Variants in SLCO6A1 observed in about 807,000 individuals in gnomAD.
The protein encoded by SLCO6A1 is cancer/testis antigen 48.
Under a neutral mutation model 72.7 loss-of-function variants are expected in SLCO6A1, and 65 were observed. The ratio of observed to expected loss-of-function variants is 0.89; its 90% CI spans 0.73 to 1.10. The LOEUF is 1.10. Among genes scored for constraint, SLCO6A1 ranks in the 50% least tolerant of loss-of-function variants. SLCO6A1 has a pLI of 0.00. For missense variants in SLCO6A1, 874 were observed against 872.6 expected (o/e 1.00, Z -0.02); for synonymous variants, 314 against 298.2 (o/e 1.05, Z -0.55).
In SLCO6A1 at chr5:102,457,493, A is replaced by G. The variant is rs564840454; in HGVS notation, c.1131+889T>C. 2.6e-5 allele frequency among the ~76,000 whole-genome samples: 4 copies of G among 152,346 alleles called. No homozygotes were observed. In the South Asian group the frequency reaches 6.2e-4, roughly 24 times the overall value. On this transcript the variant is annotated intron_variant, in intron 6 of 13. Transcript: ENST00000506729. The stretch of plus-strand genomic sequence containing the variant: ...AGATATTTATGCTGCCAAAAGACAC[A>G]TGAAAAAATGCTCATCATCACTGGC...
chr5:102,424,584 C>T (rs968014056), intron 7 of SLCO6A1, among the ~76,000 whole-genome samples: 2 of 152,094 alleles, frequency 1.3e-5, no homozygotes, highest in Non-Finnish European at 2.9e-5. Context: ...GAAGTCGAAT[C>T]CCTGAGTAGG....
At chr5:102,492,452 C>T (rs1752725798) in intron 1 of SLCO6A1, among the ~76,000 whole-genome samples, 1 of 152,156 alleles carries the variant, frequency 6.6e-6, no homozygotes, top group African/African-American at 2.4e-5. Context: ...CTACAGTTCC[C>T]AGCGTGAGCA....
chr5:102,461,669 C>A lies in SLCO6A1; in HGVS notation c.900-1892G>T, dbSNP rs752932933. Among the ~76,000 whole-genome samples the A allele has an allele frequency of 2.6e-5, 4 of 151,962 alleles. No homozygotes were observed. In the South Asian group the frequency reaches 8.3e-4, roughly 32 times the overall value. ...ATGTGTTTTTTATTGATATTAAATA[C>A]CATCATGATACATAAATGTCATCAG... On this transcript the variant is annotated intron_variant, in intron 4 of 13. Transcript: ENST00000506729.
intron 9 of SLCO6A1, 106 bp from the exon 10 acceptor site, chr5:102,399,848 G>A: frequency 1.4e-6 from 1 of 710,768 alleles, no homozygotes; most frequent in Non-Finnish European, 2.1e-6. Context: ...AGACTCATTA[G>A]TTTTATTTCA....
intron 4 of SLCO6A1, among the ~76,000 whole-genome samples, chr5:102,463,155 A>G (rs1195801754): frequency 6.6e-6 from 1 of 152,226 alleles, no homozygotes; most frequent in Admixed American, 6.5e-5. Flanking sequence ...TGCCCAATAA[A>G]CATATGAAAA....
Position 102,498,479 on chromosome 5 carries a change from A to C in SLCO6A1, c.358+8T>G, listed in dbSNP as rs1753011114. ...CTCGCCACAACAAACCGCCTCCTTC[A>C]GGCTCACCTTGACATATGAGCAGGA... is the stretch of plus-strand genomic sequence containing the variant. On this transcript the variant is annotated splice_region_variant and intron_variant, in intron 1 of 13. Coordinates refer to ENST00000506729, the MANE Select transcript of SLCO6A1 (RefSeq NM_173488.5). 2 of 1,606,274 alleles carry C rather than the reference A, an allele frequency of 1.2e-6. No homozygotes were observed. The highest frequency in any genetic ancestry group is 4.5e-5 in the East Asian group (2 of 44,744).
chr5:102,446,045 G>C (rs1198429002), intron 6 of SLCO6A1, among the ~76,000 whole-genome samples: 1 of 151,770 alleles, frequency 6.6e-6, no homozygotes, highest in South Asian at 2.1e-4. Flanking sequence ...GCTCTTGAGG[G>C]TTTTTGTTGT....
At chr5:102,452,129 T>C (rs1185232834) in intron 6 of SLCO6A1, among the ~76,000 whole-genome samples, 1 of 152,186 alleles carries the variant, frequency 6.6e-6, no homozygotes, top group African/African-American at 2.4e-5. Context: ...ATAATATTCA[T>C]TGACACTTCC....
At chr5:102,457,986 C>A (rs1750821536) in intron 6 of SLCO6A1, among the ~76,000 whole-genome samples, 1 of 151,866 alleles carries the variant, frequency 6.6e-6, no homozygotes, top group African/African-American at 2.4e-5. Flanking sequence ...TCATTCTCAG[C>A]AAACTATTGC....
chr5:102,411,080 C>T (rs890223650), intron 9 of SLCO6A1, among the ~76,000 whole-genome samples: 1 of 151,964 alleles, frequency 6.6e-6, no homozygotes, highest in African/African-American at 2.4e-5. Flanking sequence ...GATTGGGTGC[C>T]GCTGTTAAGT....
chr5:102,385,486 C>T (rs1746362283), intron 12 of SLCO6A1, among the ~76,000 whole-genome samples: 1 of 152,096 alleles, frequency 6.6e-6, no homozygotes, highest in South Asian at 2.1e-4. Context: ...AGGCTTTCTT[C>T]ACTGTTTTGT....
intron 4 of SLCO6A1, among the ~76,000 whole-genome samples, chr5:102,465,260 G>T (rs905596446): frequency 1.3e-5 from 2 of 151,898 alleles, no homozygotes; most frequent in Non-Finnish European, 2.9e-5. Context: ...AATACCTAGG[G>T]CTTAATAATA....
At chr5:102,410,810 C>T (rs555624850) in intron 9 of SLCO6A1, among the ~76,000 whole-genome samples, 3 of 152,200 alleles carry the variant, frequency 2.0e-5, no homozygotes, top group East Asian at 3.9e-4. Flanking sequence ...TGTGTTATTG[C>T]CCCATGAACC....
intron 1 of SLCO6A1, among the ~76,000 whole-genome samples, chr5:102,484,372 G>A (rs1752347418): frequency 6.6e-6 from 1 of 152,122 alleles, no homozygotes; most frequent in Non-Finnish European, 1.5e-5. Flanking sequence ...ATTACTGGCT[G>A]GGTGCAGTGG....
At chr5:102,400,314 T>C (rs1747328741) in intron 9 of SLCO6A1, among the ~76,000 whole-genome samples, 1 of 152,028 alleles carries the variant, frequency 6.6e-6, no homozygotes, top group African/African-American at 2.4e-5. Context: ...AATAATAAAT[T>C]ATATAAAATG....
chr5:102,457,514 C>T (rs576796266), intron 6 of SLCO6A1, among the ~76,000 whole-genome samples: 6 of 152,310 alleles, frequency 3.9e-5, no homozygotes, highest in Non-Finnish European at 8.8e-5. Flanking sequence ...CTCATCATCA[C>T]TGGCCATCAG....
At chr5:102,455,492 T>C (rs1279955182) in intron 6 of SLCO6A1, among the ~76,000 whole-genome samples, 2 of 152,276 alleles carry the variant, frequency 1.3e-5, no homozygotes, top group East Asian at 1.9e-4. Flanking sequence ...ACAATGTCTA[T>C]ATTGTAGACC....
At position 102,480,434 on chromosome 5, in the gene SLCO6A1, C is replaced by A. The variant is rs775981863; in HGVS notation, c.359G>T (p.Gly120Val). ...IFYCILLICQ[G>V]VVFGLIDVSI... Reference sequence around the variant, plus strand: ...GACATCTATAAGACCAAACACCACACCTAAAATGTAAAAAGAAAAAGAGAA... The same window carrying A: ...GACATCTATAAGACCAAACACCACAACTAAAATGTAAAAAGAAAAAGAGAA... The change falls in exon 2 of 14, where the codon GGT becomes GTT. Residue 120 changes from glycine to valine, a missense_variant and splice_region_variant. Physicochemically the swap from Gly to Val is moderately radical, Grantham distance 109. Coordinates refer to ENST00000506729, the MANE Select transcript of SLCO6A1 (RefSeq NM_173488.5). 6.3e-7 allele frequency: 1 copy of A among 1,595,710 alleles called. No homozygotes were observed. Among genetic ancestry groups the A allele is most frequent in the Admixed American group, 1.8e-5 (1 of 55,780 alleles).
intron 1 of SLCO6A1, among the ~76,000 whole-genome samples, chr5:102,492,788 G>A (rs1752742127): frequency 6.6e-6 from 1 of 152,158 alleles, no homozygotes; most frequent in Non-Finnish European, 1.5e-5. Context: ...CTCACTCATT[G>A]CTAGCACAGC....
Sources: allele counts gnomAD v4.1 joint callset (sites outside exome capture counted in the v4.1 genomes callset), GRCh38; gene constraint gnomAD v4.1.1; transcripts MANE v1.5; gene names NCBI Gene and HGNC (gene_info 2026-07-23, HGNC 2026-07-21).